The following CTCF variants were observed in gnomAD, a reference collection of about 807,000 sequenced individuals.
CTCF encodes transcriptional repressor CTCF.
Under a neutral mutation model 72.3 loss-of-function variants are expected in CTCF, and 7 were observed. The observed-to-expected ratio is 0.10, with a 90% CI of 0.06 to 0.18. CTCF has a LOEUF of 0.18. Among genes scored for constraint, CTCF ranks in the 10% least tolerant of loss-of-function variants. CTCF has a pLI of 1.00. For synonymous variants in CTCF, 374 were observed against 315.8 expected (o/e 1.18, Z -1.95); for missense variants, 516 against 949.1 (o/e 0.54, Z 6.00).
At chr16:67,604,851 C>A (rs1597707555) in intron 2 of CTCF, among the ~76,000 whole-genome samples, 1 of 148,618 alleles carries the variant, frequency 6.7e-6, no homozygotes, top group Admixed American at 6.8e-5. Context: ...TTGAACAGTG[C>A]CAGCCTAGAG....
At chr16:67,612,209 T>A in intron 4 of CTCF, 88 bp downstream of exon 4, 2 of 1,257,474 alleles carry the variant, frequency 1.6e-6, no homozygotes, top group Non-Finnish European at 2.2e-6. Context: ...AGCGGGAATT[T>A]AAAGGAAGTT....
At chr16:67,588,002 C>T (rs1167405927) in intron 2 of CTCF, among the ~76,000 whole-genome samples, 4 of 151,938 alleles carry the variant, frequency 2.6e-5, no homozygotes, top group South Asian at 2.1e-4. Flanking sequence ...GGATTTCAGG[C>T]GCCCACCACC....
chr16:67,584,036 T>C (rs1049168061), intron 2 of CTCF, among the ~76,000 whole-genome samples: 2 of 129,858 alleles, frequency 1.5e-5, no homozygotes, highest in African/African-American at 6.6e-5. Context: ...CACTCTTTGC[T>C]TCATGCTTGT....
intron 2 of CTCF, among the ~76,000 whole-genome samples, chr16:67,586,656 AAAAC>A (rs1047197972): frequency 1.3e-5 from 2 of 152,174 alleles, no homozygotes; most frequent in Non-Finnish European, 2.9e-5. Context: ...TCTCAAAAAA[AAAAC>A]AAAGTAACAT....
chr16:67,585,746 C>T (rs745843783), intron 2 of CTCF, among the ~76,000 whole-genome samples: 1 of 152,154 alleles, frequency 6.6e-6, no homozygotes, highest in African/African-American at 2.4e-5. Context: ...CATAACTCTT[C>T]TATAACAGAA....
At chr16:67,628,863 A>G (rs2052325286) in intron 9 of CTCF, among the ~76,000 whole-genome samples, 1 of 152,166 alleles carries the variant, frequency 6.6e-6, no homozygotes. Context: ...GATCGAGACC[A>G]TCCTGGCTAA....
chr16:67,598,225 T>C (rs2051840635), intron 2 of CTCF, among the ~76,000 whole-genome samples: 1 of 152,084 alleles, frequency 6.6e-6, no homozygotes, highest in Non-Finnish European at 1.5e-5. Flanking sequence ...CAATCCACTC[T>C]CCTCAGCCTC....
intron 2 of CTCF, among the ~76,000 whole-genome samples, chr16:67,601,283 C>T: frequency 7.3e-6 from 1 of 137,038 alleles, no homozygotes; most frequent in East Asian, 2.1e-4. Flanking sequence ...GACAGAGTCT[C>T]ACTCTGTCAC....
intron 9 of CTCF, 127 bp downstream of exon 9, chr16:67,628,679 T>A: frequency 2.1e-6 from 2 of 931,488 alleles, no homozygotes; most frequent in Non-Finnish European, 3.4e-6. Flanking sequence ...TTGGAAAGGG[T>A]TAGTCATCCC....
intron 10 of CTCF, among the ~76,000 whole-genome samples, chr16:67,636,141 C>T (rs189153235): frequency 2.0e-5 from 3 of 151,972 alleles, no homozygotes; most frequent in African/African-American, 4.8e-5. Context: ...ATTGGGAGGC[C>T]GAGGCAGGTG....
At chr16:67,568,730 A>G (rs1389249099) in intron 1 of CTCF, among the ~76,000 whole-genome samples, 2 of 151,652 alleles carry the variant, frequency 1.3e-5, no homozygotes, top group South Asian at 4.2e-4. Flanking sequence ...GGGTTTTGCC[A>G]TGTTGCCCTG....
chr16:67,636,354 A>G (rs1447291467), intron 10 of CTCF, among the ~76,000 whole-genome samples: 3 of 150,896 alleles, frequency 2.0e-5, no homozygotes, highest in Non-Finnish European at 4.4e-5. Context: ...CCTGGGCGAC[A>G]GAGTGAGACT....
intron 2 of CTCF, among the ~76,000 whole-genome samples, chr16:67,602,854 A>AT (rs1195363752): frequency 1.3e-5 from 2 of 151,890 alleles, no homozygotes; most frequent in African/African-American, 4.8e-5. Flanking sequence ...AAAAAAAAAA[A>AT]AAAAAAAGAG....
At chr16:67,611,750 T>G (rs950075437) in intron 3 of CTCF, 137 bp downstream of exon 3, 1 of 1,029,954 alleles carries the variant, frequency 9.7e-7, no homozygotes, top group African/African-American at 1.6e-5. Context: ...AAAACCAGTC[T>G]AAAATAAGTT....
intron 2 of CTCF, among the ~76,000 whole-genome samples, chr16:67,596,940 TTTCTC>T (rs1204021217): frequency 1.3e-5 from 2 of 152,174 alleles, no homozygotes; most frequent in African/African-American, 4.8e-5. Context: ...TTTCCTCTGA[TTTCTC>T]TTATTACTTA....
Position 67,610,940 on chromosome 16 carries a change from T to C in CTCF, c.108T>C (p.Asp36=). 1 of 1,563,052 alleles carries C rather than the reference T, an allele frequency of 6.4e-7. No individual in the cohort carries two copies. The highest frequency in any genetic ancestry group is 1.4e-5 in the African/African-American group (1 of 73,364). ...QRRREGGQEE[D]ACHLPQNQTD... is the part of the protein sequence containing the mutation. ...GCCGGGAAGGGGGCCAGGAAGAAGA[T>C]GCCTGCCACTTACCCCAGAACCAGA... Residue 36 remains aspartate (D), a synonymous_variant, in exon 3 of 12, where the codon GAT becomes GAC. Coordinates refer to ENST00000264010, the MANE Select transcript of CTCF (RefSeq NM_006565.4).
intron 2 of CTCF, among the ~76,000 whole-genome samples, chr16:67,597,869 G>A (rs1369016977): frequency 2.0e-5 from 3 of 152,144 alleles, no homozygotes; most frequent in African/African-American, 7.2e-5. Context: ...TATGAATTAT[G>A]TAGCTTTATG....
In CTCF at chr16:67,611,477, A is replaced by G. The variant is rs768330507; in HGVS notation, c.645A>G (p.Thr215=). 6.2e-7 allele frequency: 1 copy of G among 1,614,214 alleles called. No homozygotes were observed. The highest frequency in any genetic ancestry group is 1.1e-5 in the South Asian group (1 of 91,090). The change falls in exon 3 of 12, where the codon ACA becomes ACG. Residue 215 remains threonine (T), a synonymous_variant. Coordinates refer to ENST00000264010, the MANE Select transcript of CTCF (RefSeq NM_006565.4). The part of the protein sequence containing the change: ...KKTKKSKLRY[T]EEGKDVDVSV... ...CCAAAAAGAGCAAACTGCGTTATACAGAGGAGGGCAAAGATGTAGATGTGT... is the reference window on the plus strand; with the variant it reads ...CCAAAAAGAGCAAACTGCGTTATACGGAGGAGGGCAAAGATGTAGATGTGT...
intron 7 of CTCF, among the ~76,000 whole-genome samples, chr16:67,622,355 CA>C (rs755436008): frequency 1.3e-3 from 173 of 133,186 alleles, no homozygotes; most frequent in South Asian, 6.1e-3. Flanking sequence ...GACTCTGTCT[CA>C]AAAAAAAAAA....
Sources: gnomAD v4.1 joint callset for allele counts (sites outside exome capture counted in the v4.1 genomes callset) on GRCh38, gnomAD v4.1.1 for gene constraint, MANE v1.5 for transcripts, NCBI Gene and HGNC (gene_info 2026-07-23, HGNC 2026-07-21) for gene names.